The following EXT1 variants were observed in gnomAD, a reference collection of about 807,000 sequenced individuals.
EXT1 encodes the protein exostosin-1.
Under a neutral mutation model 82.5 loss-of-function variants are expected in EXT1, and 20 were observed. That is an observed-to-expected ratio of 0.24 (90% CI 0.17 to 0.35). The LOEUF (loss-of-function observed/expected upper bound fraction) is 0.35, where lower values mean the gene tolerates loss of function less well. Among genes scored for constraint, EXT1 ranks in the 10% least tolerant of loss-of-function variants. The pLI is 1.00. For missense variants in EXT1, 757 were observed against 936.5 expected, an observed-to-expected ratio of 0.81 and a Z score of 2.50; for synonymous variants, 348 against 350.8, an observed-to-expected ratio of 0.99 and a Z score of 0.09.
intron 1 of EXT1, among the ~76,000 whole-genome samples, chr8:118,014,506 G>A (rs1815965486): frequency 6.6e-6 from 1 of 152,268 alleles, no homozygotes; most frequent in Non-Finnish European, 1.5e-5. Flanking sequence ...AGAACCACCT[G>A]TAATGCCAAA....
In EXT1 at chr8:118,111,790, G is replaced by T; in HGVS notation, c.-744C>A. 6.7e-6 allele frequency: 1 copy of T among 149,304 alleles called. No individual in the cohort carries two copies. Among genetic ancestry groups the T allele is most frequent in the South Asian group, 1.9e-4 (1 of 5,322 alleles). The allele number at this position is 149,304 out of a possible 1,614,324, so 9.2% of individuals were successfully genotyped here. ...AGCAGCGCTTCGCAGGCCCCCGCGC[G>T]AACGCTGCCGACCGCCGCGTTCGGT... On this transcript the variant is annotated 5_prime_UTR_variant, in exon 1 of 11. Coordinates refer to ENST00000378204, the MANE Select transcript of EXT1 (RefSeq NM_000127.3).
chr8:117,887,459 C>T (rs1479121262), intron 1 of EXT1, among the ~76,000 whole-genome samples: 1 of 152,182 alleles, frequency 6.6e-6, no homozygotes, highest in Non-Finnish European at 1.5e-5. Flanking sequence ...TCAAGCGATC[C>T]TCCTGCCTCG....
chr8:117,890,714 T>G (rs1813228252), intron 1 of EXT1, among the ~76,000 whole-genome samples: 1 of 152,178 alleles, frequency 6.6e-6, no homozygotes, highest in African/African-American at 2.4e-5. Context: ...CAATAGTCCT[T>G]CATTTCCACC....
At chr8:117,943,745 C>T (rs1024512142) in intron 1 of EXT1, among the ~76,000 whole-genome samples, 1 of 152,230 alleles carries the variant, frequency 6.6e-6, no homozygotes, top group Admixed American at 6.5e-5. Flanking sequence ...TTGTTTCTAG[C>T]TTGCCATATG....
rs1184483939 is a variant in EXT1 at position 117,923,777 on chromosome 8, A to G, written c.963-86576T>C. Among the ~76,000 whole-genome samples, 15 of 151,892 alleles carry G rather than the reference A, an allele frequency of 9.9e-5. No homozygotes were observed. In the East Asian group the frequency reaches 1.4e-3, roughly 14 times the overall value. The stretch of plus-strand genomic sequence containing the variant: ...GAGTATAAAGATGACCCAACTTTCC[A>G]CTCATCCCCAAAGCGTGACTGGAAT... On this transcript the variant is annotated intron_variant, in intron 1 of 10. Coordinates refer to ENST00000378204, the MANE Select transcript of EXT1 (RefSeq NM_000127.3).
chr8:117,847,752 G>A (rs550419612), intron 1 of EXT1, among the ~76,000 whole-genome samples: 10 of 152,308 alleles, frequency 6.6e-5, no homozygotes, highest in African/African-American at 2.4e-4. Flanking sequence ...ATCAGGCCTC[G>A]GATTAGGAGG....
chr8:118,097,382 G>A (rs1432752488), intron 1 of EXT1, among the ~76,000 whole-genome samples: 3 of 152,150 alleles, frequency 2.0e-5, no homozygotes, highest in African/African-American at 7.2e-5. Context: ...GGGAGGTAGG[G>A]GTTGCAGTGA....
intron 1 of EXT1, among the ~76,000 whole-genome samples, chr8:117,997,715 C>T (rs533841802): frequency 6.6e-6 from 1 of 152,314 alleles, no homozygotes; most frequent in Non-Finnish European, 1.5e-5. Context: ...ACAGCCTACT[C>T]TGTGCTTGGT....
chr8:117,912,930 T>A (rs1464075583), intron 1 of EXT1, among the ~76,000 whole-genome samples: 1 of 152,118 alleles, frequency 6.6e-6, no homozygotes, highest in African/African-American at 2.4e-5. Flanking sequence ...AACTGAGCAT[T>A]TCTTAAAATG....
chr8:117,894,312 T>C (rs541724808), intron 1 of EXT1, among the ~76,000 whole-genome samples: 24 of 152,294 alleles, frequency 1.6e-4, no homozygotes, highest in African/African-American at 5.5e-4. Context: ...TGGCTGAGAT[T>C]ACAGGTGTGT....
At chr8:117,822,141 T>C (rs536749812) in intron 5 of EXT1, among the ~76,000 whole-genome samples, 2 of 152,218 alleles carry the variant, frequency 1.3e-5, no homozygotes, top group Admixed American at 6.5e-5. Flanking sequence ...CTCCATTTTA[T>C]ATATGATGAG....
chr8:118,054,551 A>G (rs1208534812), intron 1 of EXT1, among the ~76,000 whole-genome samples: 2 of 152,254 alleles, frequency 1.3e-5, no homozygotes, highest in Non-Finnish European at 2.9e-5. Flanking sequence ...AGCATTTGAT[A>G]CATATTATTG....
chr8:117,936,462 A>G (rs1308040053), intron 1 of EXT1, among the ~76,000 whole-genome samples: 1 of 152,266 alleles, frequency 6.6e-6, no homozygotes, highest in African/African-American at 2.4e-5. Context: ...GAGAGAAGTC[A>G]ACCTAGAACC....
chr8:117,992,851 G>A (rs951204599), intron 1 of EXT1, among the ~76,000 whole-genome samples: 19 of 152,258 alleles, frequency 1.2e-4, no homozygotes, highest in South Asian at 4.2e-4. Context: ...TCTTCTTCCC[G>A]GAATTCTTAT....
At chr8:117,852,217 G>A (rs1326345415) in intron 1 of EXT1, among the ~76,000 whole-genome samples, 1 of 152,158 alleles carries the variant, frequency 6.6e-6, no homozygotes, top group Non-Finnish European at 1.5e-5. Flanking sequence ...GTACACAATT[G>A]CACGTTGCCT....
chr8:118,021,010 A>G (rs775437036), intron 1 of EXT1, among the ~76,000 whole-genome samples: 5 of 152,198 alleles, frequency 3.3e-5, no homozygotes, highest in Non-Finnish European at 7.3e-5. Context: ...TACAGCTTCC[A>G]GTGTATTTTG....
chr8:117,974,758 C>T lies in EXT1; in HGVS notation c.962+135327G>A, dbSNP rs1815031706. ...TTGGGATTACAGGCATGAGCCACCA[C>T]ACCCAGCCCTCACTACCTGGATTTG... On this transcript the variant is annotated intron_variant, in intron 1 of 10. Coordinates refer to ENST00000378204, the MANE Select transcript of EXT1 (RefSeq NM_000127.3). Among the ~76,000 whole-genome samples the T allele has an allele frequency of 3.3e-5, 5 of 152,216 alleles. No homozygotes were observed. The South Asian group carries it at 1.0e-3, about 32-fold the overall frequency.
intron 1 of EXT1, among the ~76,000 whole-genome samples, chr8:117,968,198 G>A (rs570392614): frequency 1.3e-5 from 2 of 152,074 alleles, no homozygotes; most frequent in South Asian, 2.1e-4. Flanking sequence ...CTCCATCTCG[G>A]GGGCCCAAGC....
chr8:118,101,211 T>C (rs904068514), intron 1 of EXT1, among the ~76,000 whole-genome samples: 2 of 152,146 alleles, frequency 1.3e-5, no homozygotes, highest in Admixed American at 1.3e-4. Flanking sequence ...TTTCCAGATG[T>C]GGAAACTGAG....
Sources: gnomAD v4.1 joint callset for allele counts (sites outside exome capture counted in the v4.1 genomes callset) on GRCh38, gnomAD v4.1.1 for gene constraint, MANE v1.5 for transcripts, NCBI Gene and HGNC (gene_info 2026-07-23, HGNC 2026-07-21) for gene names.